Variants in ZFHX3 observed in about 807,000 individuals in gnomAD.
ZFHX3 encodes zinc finger homeobox protein 3.
In ZFHX3, 42 loss-of-function variants were observed where a neutral mutation model predicts 279.1. The observed-to-expected ratio is 0.15, with a 90% CI of 0.12 to 0.19. The LOEUF (loss-of-function observed/expected upper bound fraction) is 0.19, where lower values mean the gene tolerates loss of function less well. ZFHX3 is among the 10% of genes least tolerant of loss of function. The pLI is 1.00. For missense variants in ZFHX3, 4,981 were observed against 4,754.0 expected, an observed-to-expected ratio of 1.05 and a Z score of -1.40; for synonymous variants, 2,293 against 1,957.8, an observed-to-expected ratio of 1.17 and a Z score of -4.52.
At position 73,860,287 on chromosome 16, in the gene ZFHX3, G is replaced by A. The variant is rs1045249540; in HGVS notation, c.-1608+31364C>T. On this transcript the variant is annotated intron_variant, in intron 1 of 17. Coordinates refer to the ZFHX3 transcript ENST00000641206. Reference sequence around the variant, plus strand: ...GTAACCAAAATGTCCCAAGAGCAGCGGAATCACTGGCCTTTTGAAGGTTCT... The same window carrying A: ...GTAACCAAAATGTCCCAAGAGCAGCAGAATCACTGGCCTTTTGAAGGTTCT... 9.9e-5 allele frequency among the ~76,000 whole-genome samples: 15 copies of A among 152,218 alleles called. No individual in the cohort carries two copies. The South Asian group carries it at 1.0e-3, about 11-fold the overall frequency.
intron 2 of ZFHX3, among the ~76,000 whole-genome samples, chr16:73,555,163 T>C (rs868120148): frequency 8.5e-5 from 13 of 152,078 alleles, no homozygotes; most frequent in Non-Finnish European, 1.6e-4. Flanking sequence ...GTTCGTATTT[T>C]ATTTTTTTTG....
At chr16:73,087,681 T>C (rs1966024643) in intron 8 of ZFHX3, among the ~76,000 whole-genome samples, 1 of 152,198 alleles carries the variant, frequency 6.6e-6, no homozygotes, top group Admixed American at 6.5e-5. Context: ...GACTTTTTAA[T>C]GTCAGTTTGG....
intron 4 of ZFHX3, among the ~76,000 whole-genome samples, chr16:73,276,968 T>C (rs777524338): frequency 2.0e-5 from 3 of 152,222 alleles, no homozygotes; most frequent in Admixed American, 1.3e-4. Flanking sequence ...AGGTCAGACA[T>C]GGACAAAATG....
intron 3 of ZFHX3, among the ~76,000 whole-genome samples, chr16:72,940,567 G>C (rs1177344650): frequency 2.0e-5 from 3 of 152,108 alleles, no homozygotes; most frequent in African/African-American, 2.4e-5. Context: ...AGCTCAGAAG[G>C]GGTTAGAAAG....
intron 3 of ZFHX3, among the ~76,000 whole-genome samples, chr16:72,938,372 A>G (rs1468697318): frequency 4.6e-5 from 7 of 152,284 alleles, no homozygotes; most frequent in Non-Finnish European, 8.8e-5. Flanking sequence ...CTGTGTAATT[A>G]GTCTCCCCTC....
chr16:73,849,964 C>T (rs935107517), intron 1 of ZFHX3, among the ~76,000 whole-genome samples: 4 of 152,198 alleles, frequency 2.6e-5, no homozygotes, highest in Non-Finnish European at 5.9e-5. Context: ...AATTCCTGAC[C>T]TCAGGTGATC....
In ZFHX3 at chr16:72,965,040, GCTAA is replaced by G. The variant is rs571891949; in HGVS notation, c.-49-4850_-49-4847del. 2.2e-4 allele frequency among the ~76,000 whole-genome samples: 33 copies of G among 150,804 alleles called. No homozygotes were observed. In the South Asian group the frequency reaches 7.0e-3, roughly 32 times the overall value. ...CTACAGGCGACCACCACCACGTCTG[GCTAA>G]CTTTTTGTAGTTTTAGTATAGATGG... On this transcript the variant is annotated intron_variant, in intron 1 of 9. Transcript: ENST00000268489.
intron 5 of ZFHX3, among the ~76,000 whole-genome samples, 200 bp from the exon 6 acceptor site, chr16:72,812,238 T>A (rs2036478391): frequency 1.3e-5 from 2 of 152,228 alleles, no homozygotes; most frequent in African/African-American, 4.8e-5. Context: ...CATGAATTTC[T>A]GTCACTACTT....
chr16:73,612,950 T>C (rs1001942050), intron 2 of ZFHX3, among the ~76,000 whole-genome samples: 3 of 152,078 alleles, frequency 2.0e-5, no homozygotes, highest in African/African-American at 7.2e-5. Context: ...TGAGGGCATA[T>C]TTCAATGAAG....
chr16:73,032,936 G>A (rs1964761336), intron 1 of ZFHX3, among the ~76,000 whole-genome samples: 1 of 152,182 alleles, frequency 6.6e-6, no homozygotes, highest in Non-Finnish European at 1.5e-5. Flanking sequence ...CCCAGTGGAG[G>A]GGGTTTCAGG....
chr16:73,378,720 T>C (rs1361143878), intron 3 of ZFHX3, among the ~76,000 whole-genome samples: 2 of 152,220 alleles, frequency 1.3e-5, no homozygotes, highest in African/African-American at 4.8e-5. Context: ...TCCTTCTCCA[T>C]GTGACATATT....
chr16:73,277,753 T>G (rs2014338510), intron 4 of ZFHX3, among the ~76,000 whole-genome samples: 1 of 152,228 alleles, frequency 6.6e-6, no homozygotes, highest in Non-Finnish European at 1.5e-5. Flanking sequence ...GACTGAGTAA[T>G]TTTTAAAGAA....
At chr16:73,724,691 A>C (rs1446558846) in intron 1 of ZFHX3, among the ~76,000 whole-genome samples, 1 of 152,214 alleles carries the variant, frequency 6.6e-6, no homozygotes, top group Non-Finnish European at 1.5e-5. Context: ...TCCTCTGCCT[A>C]GCAACTTCCT....
intron 1 of ZFHX3, among the ~76,000 whole-genome samples, chr16:73,016,822 G>C (rs150852938): frequency 9.9e-5 from 15 of 152,098 alleles, no homozygotes; most frequent in African/African-American, 3.6e-4. Flanking sequence ...GCTCCGAGCA[G>C]AATCTCCCCA....
chr16:73,155,309 G>C (rs1303195638), intron 5 of ZFHX3, among the ~76,000 whole-genome samples: 2 of 151,672 alleles, frequency 1.3e-5, no homozygotes, highest in Non-Finnish European at 2.9e-5. Flanking sequence ...ATAATTCTTA[G>C]GGCTTTAGGC....
At chr16:72,993,904 G>C (rs537141148) in intron 1 of ZFHX3, among the ~76,000 whole-genome samples, 54 of 152,272 alleles carry the variant, frequency 3.5e-4, no homozygotes, top group African/African-American at 1.3e-3. Context: ...GACTCTCTGG[G>C]TTGAATCCAG....
intron 2 of ZFHX3, among the ~76,000 whole-genome samples, chr16:73,571,654 C>A (rs1447489155): frequency 6.7e-6 from 1 of 150,290 alleles, no homozygotes; most frequent in African/African-American, 2.5e-5. Context: ...TTTTAAAAAA[C>A]CTTCAATAAT....
At chr16:73,289,881 C>T (rs935948090) in intron 4 of ZFHX3, among the ~76,000 whole-genome samples, 3 of 152,086 alleles carry the variant, frequency 2.0e-5, no homozygotes, top group African/African-American at 7.2e-5. Context: ...CACACCAGGC[C>T]CCCTGTGTCA....
At chr16:73,193,259 C>T (rs939083842) in intron 5 of ZFHX3, among the ~76,000 whole-genome samples, 7 of 152,284 alleles carry the variant, frequency 4.6e-5, no homozygotes, top group African/African-American at 1.7e-4. Context: ...GTCTTGTGAC[C>T]CTCACTCAGG....
Sources: gnomAD v4.1 joint callset for allele counts (sites outside exome capture counted in the v4.1 genomes callset) on GRCh38, gnomAD v4.1.1 for gene constraint, MANE v1.5 for transcripts, NCBI Gene and HGNC (gene_info 2026-07-23, HGNC 2026-07-21) for gene names.